SLC5A6: variants seen among roughly 807,000 people sequenced by gnomAD.
SLC5A6 encodes sodium-dependent multivitamin transporter.
A neutral mutation model predicts 67.9 loss-of-function variants in SLC5A6; 31 were observed. The observed-to-expected ratio is 0.46, with a 90% CI of 0.34 to 0.62. The LOEUF is 0.62. SLC5A6 is among the 20% of genes least tolerant of loss of function. SLC5A6 has a pLI of 0.01. For synonymous variants in SLC5A6, 343 were observed against 331.0 expected (o/e 1.04, Z -0.39); for missense variants, 673 against 812.8 (o/e 0.83, Z 2.09).
At position 27,207,234 on chromosome 2, in the gene SLC5A6, C is replaced by T; in HGVS notation, c.393+24G>A. On this transcript the variant is annotated intron_variant, in intron 3 of 16. Transcript: ENST00000310574. This position sits in a 1 kb window ranked among gnomAD's most constrained non-coding sequence, Gnocchi z 5.5. ...TCCACCCCAACCCGTGTCCCACGCA[C>T]TTCTCCCTTCTGTCCCTGCTCACCT... 1 of 1,609,762 alleles carries T rather than the reference C, an allele frequency of 6.2e-7. No homozygotes were observed. Among genetic ancestry groups the T allele is most frequent in the Non-Finnish European group, 8.5e-7 (1 of 1,176,952 alleles).
Position 27,207,820 on chromosome 2 carries a change from T to C in SLC5A6, c.-140-30A>G. 1.6e-6 allele frequency: 1 copy of C among 644,398 alleles called. No individual in the cohort carries two copies. Among genetic ancestry groups the C allele is most frequent in the South Asian group, 2.0e-5 (1 of 50,802 alleles). The allele number at this position is 644,398 out of a possible 1,614,324, so 39.9% of individuals were successfully genotyped here. A position where few individuals can be genotyped will look rare whatever the true frequency, so the allele number is the denominator to read the frequency against. On this transcript the variant is annotated intron_variant, in intron 2 of 16. Coordinates refer to ENST00000310574, the MANE Select transcript of SLC5A6 (RefSeq NM_021095.4). This position sits in a 1 kb window ranked among gnomAD's most constrained non-coding sequence, Gnocchi z 5.5. ...AAAGGAATTAGCTCTTAGTGAGGCC[T>C]ATCTGGCCTTGGTAGCCATTCACCC...
chr2:27,204,403 GAC>G, intron 9 of SLC5A6, 56 bp downstream of exon 9: 1 of 1,545,816 alleles, frequency 6.5e-7, no homozygotes, highest in Non-Finnish European at 8.8e-7. Context: ...TTCCTACCTA[GAC>G]ACTCCTGTTG....
intron 7 of SLC5A6, 64 bp downstream of exon 7, chr2:27,205,286 G>A: frequency 6.6e-7 from 1 of 1,521,380 alleles, no homozygotes. Context: ...GCCAAGACCA[G>A]CCTCTAGGAT....
At chr2:27,202,503 CAAA>C (rs10638396) in intron 12 of SLC5A6, among the ~76,000 whole-genome samples, 3 of 72,284 alleles carry the variant, frequency 4.2e-5, no homozygotes, top group Non-Finnish European at 2.3e-5. Context: ...GACTCTGTCT[CAAA>C]AAAAAAAAAA....
chr2:27,212,140 G>T lies in SLC5A6; in HGVS notation c.-328C>A. 1 of 1,521,394 alleles carries T rather than the reference G, an allele frequency of 6.6e-7. No homozygotes were observed. The highest frequency in any genetic ancestry group is 8.8e-7 in the Non-Finnish European group (1 of 1,137,514). 94.2% of individuals were successfully genotyped at this position (1,521,394 alleles called of 1,614,324 possible). A position where few individuals can be genotyped will look rare whatever the true frequency, so the allele number is the denominator to read the frequency against. On this transcript the variant is annotated 5_prime_UTR_variant, in exon 1 of 17. Coordinates refer to ENST00000310574, the MANE Select transcript of SLC5A6 (RefSeq NM_021095.4). Reference sequence around the variant, plus strand: ...GGGAAGCCGCGCGGCGACGGGGGAGGCCTTCACTAAAGGGGAAAAGGAAGA... The same window carrying T: ...GGGAAGCCGCGCGGCGACGGGGGAGTCCTTCACTAAAGGGGAAAAGGAAGA...
At position 27,212,092 on chromosome 2, in the gene SLC5A6, T is replaced by A. The variant is rs192556275; in HGVS notation, c.-280A>T. The A allele has an allele frequency of 3.0e-4, 416 of 1,407,164 alleles. 3 individuals carry two copies. The African/African-American group carries it at 5.7e-3, about 19-fold the overall frequency. 87.2% of individuals were successfully genotyped at this position (1,407,164 alleles called of 1,614,324 possible). On this transcript the variant is annotated 5_prime_UTR_variant, in exon 1 of 17. Transcript: ENST00000310574. ...CGTCCGGACGCGGGGAACACCGGGC[T>A]GAGGGAGTCTGCAGTCGGCTCCGGG...
intron 5 of SLC5A6, 166 bp from the exon 6 acceptor site, chr2:27,206,259 A>G (rs2148010491): frequency 2.8e-6 from 2 of 714,294 alleles, no homozygotes; most frequent in East Asian, 2.7e-5. Context: ...CCACCAAAAG[A>G]TATTGACTAA....
rs1674171065 is a variant in SLC5A6, at chr2:27,207,610, G to T, written c.41C>A (p.Thr14Asn). The T allele has an allele frequency of 1.2e-5, 20 of 1,614,218 alleles. No individual in the cohort carries two copies. The highest frequency in any genetic ancestry group is 1.7e-5 in the Non-Finnish European group (20 of 1,180,028). The change falls in exon 3 of 17, where the codon ACC becomes AAC. Residue 14 changes from threonine to asparagine, a missense_variant. Physicochemically the swap from Thr to Asn is moderately conservative, Grantham distance 65. Transcript: ENST00000310574. The surrounding 1 kb of genome is among the most constrained non-coding windows in gnomAD (Gnocchi z 5.5). ...AGACATGCCCACGCTTGTGCCCGAG[G>T]TTGGGGAAAGAGGGGCTGAGGTGCT... ...GVSTSAPLSP[T>N]SGTSVGMSTF...
chr2:27,204,443 A>C lies in SLC5A6; in HGVS notation c.1005+18T>G. The C allele has an allele frequency of 6.2e-7, 1 of 1,605,398 alleles. No homozygotes were observed. Among genetic ancestry groups the C allele is most frequent in the Non-Finnish European group, 8.5e-7 (1 of 1,174,950 alleles). ...GGGCCAGGCCTGCCCTCATGGGAAC[A>C]GAACAGCGCCTTCTCACCTGGTCTG... On this transcript the variant is annotated intron_variant, in intron 9 of 16. Transcript: ENST00000310574.
rs1673647982 is a variant in SLC5A6, at chr2:27,201,691, G to C, written c.1519C>G (p.Leu507Val). Residue 507 changes from leucine (L) to valine (V), a missense_variant, in exon 14 of 17, where the codon CTG (leucine) becomes GTG (valine). Transcript: ENST00000310574. ...TTGGAGAAGGTAGTCAAGGGCATCAGTGTGGTCACAGTGGCAACGGTTAGA... is the reference window on the plus strand; with the variant it reads ...TTGGAGAAGGTAGTCAAGGGCATCACTGTGGTCACAGTGGCAACGGTTAGA... ...TNLTVATVTT[L>V]MPLTTFSKPT... The C allele has an allele frequency of 1.2e-6, 2 of 1,614,052 alleles. No individual in the cohort carries two copies. The highest frequency in any genetic ancestry group is 4.5e-5 in the East Asian group (2 of 44,898).
rs150307260 is a variant in SLC5A6 at position 27,207,601 on chromosome 2, G to A, written c.50C>T (p.Thr17Ile). Reference sequence around the variant, plus strand: ...GGAGAAGGTAGACATGCCCACGCTTGTGCCCGAGGTTGGGGAAAGAGGGGC... The same window carrying A: ...GGAGAAGGTAGACATGCCCACGCTTATGCCCGAGGTTGGGGAAAGAGGGGC... ...TSAPLSPTSGTSVGMSTFSIM... is the reference protein window; with the variant it reads ...TSAPLSPTSGISVGMSTFSIM... Residue 17 changes from threonine (T) to isoleucine (I), a missense_variant, in exon 3 of 17, where the codon ACA (threonine) becomes ATA (isoleucine). Transcript: ENST00000310574. The surrounding 1 kb of genome is among the most constrained non-coding windows in gnomAD (Gnocchi z 5.5). The A allele has an allele frequency of 6.2e-7, 1 of 1,614,260 alleles. No homozygotes were observed. The highest frequency in any genetic ancestry group is 1.3e-5 in the African/African-American group (1 of 75,076).
chr2:27,212,288 C>G (rs202067119), upstream of SLC5A6: 83 of 1,553,086 alleles, frequency 5.3e-5, no homozygotes, highest in East Asian at 6.0e-4. Context: ...AGGCCACGCC[C>G]GGGGAAGAGG....
In SLC5A6 at chr2:27,211,526, C is replaced by A. The variant is rs1674501795; in HGVS notation, c.-200G>T. ...TGTGCTTCCTGAGATCAACATCGCTCCCTTTTCCTGGGAAGGCAAAGAAAA... is the reference window on the plus strand; with the variant it reads ...TGTGCTTCCTGAGATCAACATCGCTACCTTTTCCTGGGAAGGCAAAGAAAA... On this transcript the variant is annotated 5_prime_UTR_variant, in exon 2 of 17. Transcript: ENST00000310574. 1.3e-5 allele frequency: 2 copies of A among 152,550 alleles called. No individual in the cohort carries two copies. Among genetic ancestry groups the A allele is most frequent in the Non-Finnish European group, 2.9e-5 (2 of 68,144 alleles). The allele number at this position is 152,550 out of a possible 1,614,324, so 9.4% of individuals were successfully genotyped here. A position where few individuals can be genotyped will look rare whatever the true frequency, so the allele number is the denominator to read the frequency against.
chr2:27,206,429 A>T, intron 5 of SLC5A6, 54 bp downstream of exon 5: 1 of 1,537,802 alleles, frequency 6.5e-7, no homozygotes, highest in East Asian at 2.2e-5. Context: ...CCTCTCCCAA[A>T]GGTGCTTTCC....
In SLC5A6 at chr2:27,206,492, G is replaced by A. The variant is rs1674076703; in HGVS notation, c.502C>T (p.Leu168Phe). The change falls in exon 5 of 17, where the codon CTC becomes TTC. Residue 168 changes from leucine to phenylalanine, a missense_variant. Physicochemically the swap from Leu to Phe is conservative, Grantham distance 22. Transcript: ENST00000310574. The stretch of plus-strand genomic sequence containing the variant: ...CTGTGTGACTCCTCACCTGCATTGA[G>A]AGCCAATGACGGAGCATAGAGCACA... ...GVVLYAPSLA[L>F]NAVTGFDLWL... The A allele has an allele frequency of 6.2e-7, 1 of 1,614,016 alleles. No homozygotes were observed. Among genetic ancestry groups the A allele is most frequent in the Non-Finnish European group, 8.5e-7 (1 of 1,179,992 alleles).
rs1050279369 is a variant in SLC5A6 at position 27,212,168 on chromosome 2, G to T, written c.-356C>A. 6.5e-7 allele frequency: 1 copy of T among 1,536,590 alleles called. No individual in the cohort carries two copies. Among genetic ancestry groups the T allele is most frequent in the Middle Eastern group, 2.0e-4 (1 of 5,056 alleles). ...TTCACTAAAGGGGAAAAGGAAGAGG[G>T]GGTCGGCCAGTATCCCCGAAAGAGG... is the stretch of plus-strand genomic sequence containing the variant. On this transcript the variant is annotated 5_prime_UTR_variant, in exon 1 of 17. Transcript: ENST00000310574.
At position 27,207,934 on chromosome 2, in the gene SLC5A6, G is replaced by A. The variant is rs1386791226; in HGVS notation, c.-140-144C>T. ...GTCTAGAGGCCCTGGTATGGGTTTGGTAGGGGACATAAGTGAGGGAGAAGC... is the reference window on the plus strand; with the variant it reads ...GTCTAGAGGCCCTGGTATGGGTTTGATAGGGGACATAAGTGAGGGAGAAGC... On this transcript the variant is annotated intron_variant, in intron 2 of 16. Coordinates refer to ENST00000310574, the MANE Select transcript of SLC5A6 (RefSeq NM_021095.4). This position sits in a 1 kb window ranked among gnomAD's most constrained non-coding sequence, Gnocchi z 5.5. The A allele has an allele frequency of 4.1e-6, 2 of 487,226 alleles. No individual in the cohort carries two copies. The highest frequency in any genetic ancestry group is 7.3e-6 in the Non-Finnish European group (2 of 273,896). 30.2% of individuals were successfully genotyped at this position (487,226 alleles called of 1,614,324 possible).
chr2:27,211,762 C>A, intron 1 of SLC5A6: 1 of 175,900 alleles, frequency 5.7e-6, no homozygotes, highest in Non-Finnish European at 1.2e-5. Flanking sequence ...AGACCACCAC[C>A]TTACCGCTCG....
chr2:27,205,594 T>C, intron 6 of SLC5A6, 90 bp from the exon 7 acceptor site: 1 of 1,487,020 alleles, frequency 6.7e-7, no homozygotes, highest in Non-Finnish European at 9.3e-7. Flanking sequence ...CCATTTTGTT[T>C]TGTTTTGTTT....
Sources: gnomAD v4.1 joint callset for allele counts (sites outside exome capture counted in the v4.1 genomes callset) on GRCh38, gnomAD v4.1.1 for gene constraint, Gnocchi (gnomAD v3.1) non-coding constraint, MANE v1.5 for transcripts, NCBI Gene and HGNC (gene_info 2026-07-23, HGNC 2026-07-21) for gene names.